SAXO1: variants seen among roughly 807,000 people sequenced by gnomAD.
SAXO1 encodes the protein 4930500O09Rik.
Under a neutral mutation model 17.5 loss-of-function variants are expected in SAXO1, and 21 were observed. That is an observed-to-expected ratio of 1.20 (90% CI 0.85 to 1.72). SAXO1 has a LOEUF of 1.72. SAXO1 is among the 40% of genes most tolerant of loss of function. The pLI is 0.00. For synonymous variants in SAXO1, 274 were observed against 216.5 expected (o/e 1.27, Z -2.33); for missense variants, 843 against 596.0 (o/e 1.41, Z -4.32).
At chr9:18,992,661 G>A (rs1833857657) in intron 1 of SAXO1, among the ~76,000 whole-genome samples, 1 of 152,206 alleles carries the variant, frequency 6.6e-6, no homozygotes, top group Non-Finnish European at 1.5e-5. Context: ...GTGAAGGGCA[G>A]AGGAACTCCA....
upstream of SAXO1, among the ~76,000 whole-genome samples, chr9:19,035,892 G>A (rs543507235): frequency 6.6e-6 from 1 of 152,308 alleles, no homozygotes; most frequent in South Asian, 2.1e-4. Flanking sequence ...GGTGACTTGG[G>A]TGCTGTTAAA....
intron 1 of SAXO1, among the ~76,000 whole-genome samples, chr9:18,989,541 T>A (rs1305561465): frequency 1.4e-5 from 2 of 142,166 alleles, no homozygotes; most frequent in East Asian, 2.1e-4. Context: ...GGAAATTTAC[T>A]TTTTTAGCCA....
At position 19,033,044 on chromosome 9, in the gene SAXO1, T is replaced by G; in HGVS notation, c.-136A>C. 1.2e-6 allele frequency: 1 copy of G among 863,372 alleles called. No individual in the cohort carries two copies. The highest frequency in any genetic ancestry group is 1.7e-6 in the Non-Finnish European group (1 of 593,582). The allele number at this position is 863,372 out of a possible 1,614,324, so 53.5% of individuals were successfully genotyped here. ...GTGTTCTGTTTACTCGAAGGAAAATTTAAGTGGCCCTTTTGCAATGTCCTG... is the reference window on the plus strand; with the variant it reads ...GTGTTCTGTTTACTCGAAGGAAAATGTAAGTGGCCCTTTTGCAATGTCCTG... On this transcript the variant is annotated 5_prime_UTR_variant, in exon 1 of 4. Coordinates refer to ENST00000380534, the MANE Select transcript of SAXO1 (RefSeq NM_153707.4).
chr9:19,043,149 G>T (rs545407718), intron 1 of SAXO1, among the ~76,000 whole-genome samples: 54 of 152,046 alleles, frequency 3.6e-4, no homozygotes, highest in South Asian at 1.2e-3. Flanking sequence ...TCCAGCCTGA[G>T]CAACAGAGCA....
intron 1 of SAXO1, among the ~76,000 whole-genome samples, chr9:19,000,242 GC>G: frequency 6.8e-6 from 1 of 147,658 alleles, no homozygotes; most frequent in Non-Finnish European, 1.5e-5. Flanking sequence ...GAGCGCCTCT[GC>G]CCGGCCACCC....
chr9:19,045,943 C>T (rs1334779584), intron 1 of SAXO1, among the ~76,000 whole-genome samples: 2 of 152,160 alleles, frequency 1.3e-5, no homozygotes, highest in Non-Finnish European at 2.9e-5. Flanking sequence ...CAAAAGTAGC[C>T]GGGCCTGGGG....
chr9:18,930,127 G>A (rs1488962832), intron 3 of SAXO1, among the ~76,000 whole-genome samples: 3 of 152,268 alleles, frequency 2.0e-5, no homozygotes, highest in Non-Finnish European at 4.4e-5. Flanking sequence ...TCACACTTAG[G>A]GGCATTTTAT....
At chr9:18,933,259 G>A (rs1362136629) in intron 3 of SAXO1, among the ~76,000 whole-genome samples, 1 of 152,114 alleles carries the variant, frequency 6.6e-6, no homozygotes, top group Non-Finnish European at 1.5e-5. Context: ...TTTGTCAAAT[G>A]CTTTCTATCA....
chr9:18,967,160 C>T (rs891679560), intron 1 of SAXO1, among the ~76,000 whole-genome samples: 1 of 152,200 alleles, frequency 6.6e-6, no homozygotes, highest in African/African-American at 2.4e-5. Context: ...AGCTGGAGCT[C>T]TCCTGTATGA....
At chr9:19,013,744 A>AC (rs1164334862) in intron 1 of SAXO1, among the ~76,000 whole-genome samples, 2 of 151,916 alleles carry the variant, frequency 1.3e-5, no homozygotes, top group East Asian at 3.9e-4. Flanking sequence ...ACGGGTTTTC[A>AC]CCATGTTGGC....
intron 1 of SAXO1, among the ~76,000 whole-genome samples, chr9:18,960,785 GA>G (rs1326017483): frequency 3.1e-5 from 3 of 97,810 alleles, no homozygotes; most frequent in South Asian, 7.3e-4. Context: ...TGTCTCAAAA[GA>G]AAAAAAAATT....
intron 1 of SAXO1, among the ~76,000 whole-genome samples, chr9:18,956,387 G>C (rs773871997): frequency 2.0e-5 from 3 of 152,110 alleles, no homozygotes; most frequent in Non-Finnish European, 2.9e-5. Context: ...TCAAACTTAT[G>C]AACTTTCAAT....
intron 1 of SAXO1, among the ~76,000 whole-genome samples, chr9:18,997,996 C>A (rs978003941): frequency 3.3e-5 from 5 of 152,144 alleles, no homozygotes; most frequent in African/African-American, 1.2e-4. Context: ...TAGATAAAAC[C>A]TCTAACATGG....
Position 19,032,950 on chromosome 9 carries a change from C to T in SAXO1, c.-42G>A, listed in dbSNP as rs1309823651. ...CCCTGACGTCCCCTCAGAGCATCGCCAGCTGCAGCCGACTCCTAGACCCCA... is the reference window on the plus strand; with the variant it reads ...CCCTGACGTCCCCTCAGAGCATCGCTAGCTGCAGCCGACTCCTAGACCCCA... On this transcript the variant is annotated 5_prime_UTR_variant, in exon 1 of 4. Transcript: ENST00000380534. 6.3e-7 allele frequency: 1 copy of T among 1,586,368 alleles called. No individual in the cohort carries two copies.
intron 1 of SAXO1, among the ~76,000 whole-genome samples, chr9:18,992,637 T>C (rs906783425): frequency 2.6e-5 from 4 of 152,096 alleles, no homozygotes; most frequent in African/African-American, 9.7e-5. Flanking sequence ...TGGCACCTCC[T>C]CAGGGAGGCC....
chr9:18,962,019 C>G (rs1446767603), intron 1 of SAXO1, among the ~76,000 whole-genome samples: 3 of 152,126 alleles, frequency 2.0e-5, no homozygotes, highest in Admixed American at 2.0e-4. Context: ...GATCACCATT[C>G]TGACTGGTGT....
intron 1 of SAXO1, among the ~76,000 whole-genome samples, chr9:19,004,873 A>T (rs572269443): frequency 1.4e-3 from 213 of 152,344 alleles, no homozygotes; most frequent in African/African-American, 4.9e-3. Flanking sequence ...AAATAATAAT[A>T]AAAAGAAATG....
upstream of SAXO1, among the ~76,000 whole-genome samples, chr9:19,035,089 C>G (rs1019649670): frequency 1.6e-4 from 25 of 152,164 alleles, no homozygotes; most frequent in Admixed American, 1.4e-3. Flanking sequence ...GACAACCTCC[C>G]CTCACCTAGT....
At chr9:19,034,604 G>A (rs11788085), upstream of SAXO1, among the ~76,000 whole-genome samples, 9,603 of 152,228 alleles carry the variant, frequency 0.063, 350 homozygotes, top group African/African-American at 0.099. Context: ...TAGGAAGTCA[G>A]CAAGGTAGAT....
Sources: gnomAD v4.1 joint callset for allele counts (sites outside exome capture counted in the v4.1 genomes callset) on GRCh38, gnomAD v4.1.1 for gene constraint, MANE v1.5 for transcripts, NCBI Gene and HGNC (gene_info 2026-07-23, HGNC 2026-07-21) for gene names.